The following TCAIM variants were observed in gnomAD, a reference collection of about 807,000 sequenced individuals.
TCAIM encodes T cell activation inhibitor, mitochondrial.
Under a neutral mutation model 58.6 loss-of-function variants are expected in TCAIM, and 36 were observed. The ratio of observed to expected loss-of-function variants is 0.61; its 90% CI spans 0.47 to 0.81. The LOEUF is 0.81. TCAIM is among the 30% of genes least tolerant of loss of function. The pLI is 0.00. For missense variants in TCAIM, 466 were observed against 579.6 expected (o/e 0.80, Z 2.01); for synonymous variants, 172 against 193.6 (o/e 0.89, Z 0.93).
chr3:44,369,683 T>C (rs1356080558), intron 5 of TCAIM, among the ~76,000 whole-genome samples: 1 of 152,250 alleles, frequency 6.6e-6, no homozygotes, highest in Non-Finnish European at 1.5e-5. Context: ...GTAAAATTCC[T>C]TAGTCTTTAG....
At chr3:44,344,974 T>C (rs1700935342) in intron 1 of TCAIM, among the ~76,000 whole-genome samples, 1 of 152,172 alleles carries the variant, frequency 6.6e-6, no homozygotes, top group Admixed American at 6.5e-5. Flanking sequence ...ATTCTTCAGT[T>C]ACTTCAGGCC....
At chr3:44,352,603 A>G (rs763832872) in intron 1 of TCAIM, among the ~76,000 whole-genome samples, 29 of 152,220 alleles carry the variant, frequency 1.9e-4, no homozygotes, top group Non-Finnish European at 4.4e-5. Context: ...TGGTATATTT[A>G]TTACAGTCAA....
At chr3:44,383,809 C>CAA (rs71089100) in intron 5 of TCAIM, among the ~76,000 whole-genome samples, 471 of 95,280 alleles carry the variant, frequency 4.9e-3, no homozygotes, top group African/African-American at 7.0e-3. Context: ...CCTGTCTCTA[C>CAA]AAAAAAAAAA....
At chr3:44,388,850 C>T (rs1701786036) in intron 5 of TCAIM, among the ~76,000 whole-genome samples, 1 of 152,102 alleles carries the variant, frequency 6.6e-6, no homozygotes, top group Non-Finnish European at 1.5e-5. Context: ...GTTCCTGCTC[C>T]AAAGTTTGAT....
chr3:44,378,970 G>A (rs1034670257), intron 5 of TCAIM, among the ~76,000 whole-genome samples: 1 of 151,708 alleles, frequency 6.6e-6, no homozygotes, highest in African/African-American at 2.4e-5. Flanking sequence ...ACCACCCTGG[G>A]CAACATGACG....
intron 1 of TCAIM, among the ~76,000 whole-genome samples, chr3:44,341,951 T>C (rs1700862828): frequency 6.6e-6 from 1 of 152,204 alleles, no homozygotes; most frequent in East Asian, 1.9e-4. Flanking sequence ...TATTGAATAT[T>C]TCTAGCATTT....
chr3:44,396,677 A>G (rs1012412504), intron 7 of TCAIM, 66 bp from the exon 8 acceptor site: 11 of 1,551,400 alleles, frequency 7.1e-6, no homozygotes, highest in Admixed American at 7.0e-5. Context: ...TTTATACACT[A>G]TTTGCACAAT....
At chr3:44,372,018 GAA>G (rs1701480609) in intron 5 of TCAIM, among the ~76,000 whole-genome samples, 1 of 48,606 alleles carries the variant, frequency 2.1e-5, no homozygotes, top group Non-Finnish European at 4.6e-5. Context: ...GAGAAGGAAG[GAA>G]GGAAGGAAGG....
intron 4 of TCAIM, among the ~76,000 whole-genome samples, chr3:44,364,808 AT>A (rs1452321857): frequency 6.6e-6 from 1 of 151,806 alleles, no homozygotes; most frequent in African/African-American, 2.4e-5. Flanking sequence ...ATTAGGTAGT[AT>A]TTTTTGCCCA....
intron 10 of TCAIM, among the ~76,000 whole-genome samples, chr3:44,401,815 G>A (rs1308866953): frequency 6.6e-6 from 1 of 152,016 alleles, no homozygotes; most frequent in Non-Finnish European, 1.5e-5. Flanking sequence ...CAGATCACTT[G>A]TGAGGTCAGG....
Position 44,361,494 on chromosome 3 carries a change from G to A in TCAIM, c.295G>A (p.Gly99Ser), listed in dbSNP as rs1311373765. ...VRETDQSSSD[G>S]QEPFSTSGFR... ...AGAAACAGACCAGAGTTCCTCCGAT[G>A]GCCAGGAACCTTTTAGTACTTCCGG... Residue 99 changes from glycine (G) to serine (S), a missense_variant, in exon 4 of 11, where the codon GGC (glycine) becomes AGC (serine). Transcript: ENST00000342649. 3 of 1,602,506 alleles carry A rather than the reference G, an allele frequency of 1.9e-6. No homozygotes were observed. Among genetic ancestry groups the A allele is most frequent in the Admixed American group, 1.7e-5 (1 of 57,684 alleles).
intron 5 of TCAIM, among the ~76,000 whole-genome samples, chr3:44,386,533 C>T (rs1701745648): frequency 6.6e-6 from 1 of 152,242 alleles, no homozygotes. Context: ...TGGACTGGGA[C>T]ATCTCTGGGC....
chr3:44,403,877 T>A (rs1023739610), intron 10 of TCAIM, among the ~76,000 whole-genome samples: 6 of 152,024 alleles, frequency 3.9e-5, no homozygotes, highest in African/African-American at 1.2e-4. Flanking sequence ...TCTTGTCTGG[T>A]CTTCAGGCTT....
intron 3 of TCAIM, among the ~76,000 whole-genome samples, chr3:44,360,992 C>G (rs1189119640): frequency 6.6e-6 from 1 of 152,116 alleles, no homozygotes; most frequent in East Asian, 1.9e-4. Context: ...AATAATTATC[C>G]CACACTTGCC....
intron 3 of TCAIM, chr3:44,359,127 T>C: frequency 1.0e-6 from 1 of 967,960 alleles, no homozygotes; most frequent in South Asian, 4.8e-5. Flanking sequence ...GTGGCACACC[T>C]GTAGTCCCAG....
intron 5 of TCAIM, among the ~76,000 whole-genome samples, chr3:44,383,128 C>A (rs1701679924): frequency 6.6e-6 from 1 of 152,132 alleles, no homozygotes; most frequent in Admixed American, 6.5e-5. Context: ...AACCCTTATG[C>A]ACTGTTGGTG....
rs1318065084 is a variant in TCAIM, at chr3:44,407,517, C to T, written c.1326C>T (p.Pro442=). ...CTTTGGAGAAGTTATATAAAGAGCCCAGCATTTCTAGTATACAAATGGTGG... is the reference window on the plus strand; with the variant it reads ...CTTTGGAGAAGTTATATAAAGAGCCTAGCATTTCTAGTATACAAATGGTGG... ...KFSLEKLYKE[P]SISSIQMVDC... Residue 442 remains proline, a synonymous_variant, in exon 11 of 11, where the codon CCC becomes CCT. Coordinates refer to ENST00000342649, the MANE Select transcript of TCAIM (RefSeq NM_173826.4). 3.1e-6 allele frequency: 5 copies of T among 1,613,168 alleles called. No individual in the cohort carries two copies. Among genetic ancestry groups the T allele is most frequent in the Middle Eastern group, 1.6e-4 (1 of 6,080 alleles).
intron 1 of TCAIM, among the ~76,000 whole-genome samples, chr3:44,341,643 A>G (rs1387117256): frequency 6.6e-6 from 1 of 152,168 alleles, no homozygotes; most frequent in African/African-American, 2.4e-5. Flanking sequence ...ATTGAACTGC[A>G]TGTTTGAGCA....
intron 4 of TCAIM, among the ~76,000 whole-genome samples, chr3:44,366,438 C>A (rs1701375808): frequency 6.6e-6 from 1 of 150,546 alleles, no homozygotes; most frequent in Non-Finnish European, 1.5e-5. Context: ...CAGGCGCCCA[C>A]CACTGCGCCT....
Sources: gnomAD v4.1 joint callset for allele counts (sites outside exome capture counted in the v4.1 genomes callset) on GRCh38, gnomAD v4.1.1 for gene constraint, MANE v1.5 for transcripts, NCBI Gene and HGNC (gene_info 2026-07-23, HGNC 2026-07-21) for gene names.